The following ETV1 variants were observed in gnomAD, a reference collection of about 807,000 sequenced individuals.
The protein encoded by ETV1 is ETS translocation variant 1.
ETV1 carries 27 observed loss-of-function variants against 62.3 expected under a neutral mutation model. That is an observed-to-expected ratio of 0.43 (90% CI 0.32 to 0.60). The LOEUF (loss-of-function observed/expected upper bound fraction) is 0.60. Ranked by LOEUF, ETV1 falls within the 20% of genes least tolerant of loss-of-function variation. The pLI, the probability that ETV1 is intolerant of heterozygous loss-of-function variation, is 0.06. For synonymous variants in ETV1, 222 were observed against 199.6 expected (o/e 1.11, Z -0.94); for missense variants, 605 against 605.8 (o/e 1.00, Z 0.01).
In ETV1 at chr7:13,961,965, T is replaced by A. The variant is rs922371645; in HGVS notation, c.235+15462A>T. Among the ~76,000 whole-genome samples the A allele has an allele frequency of 2.6e-5, 4 of 151,552 alleles. No homozygotes were observed. In the South Asian group the frequency reaches 6.3e-4, roughly 24 times the overall value. ...AGATACAGTAGATAAAGCCCACATG[T>A]TGGTAGGTGTAGACATTATTTATGA... On this transcript the variant is annotated intron_variant, in intron 6 of 13. Transcript: ENST00000430479.
intron 9 of ETV1, among the ~76,000 whole-genome samples, chr7:13,917,799 C>T (rs1177953254): frequency 6.6e-6 from 1 of 151,782 alleles, no homozygotes; most frequent in Non-Finnish European, 1.5e-5. Context: ...CCCGTCTCTA[C>T]TGAAAACACA....
intron 6 of ETV1, among the ~76,000 whole-genome samples, chr7:13,945,650 C>G (rs921223124): frequency 6.6e-6 from 1 of 152,156 alleles, no homozygotes; most frequent in Non-Finnish European, 1.5e-5. Context: ...ACAAAAATGA[C>G]TTCTCTTATT....
chr7:13,982,675 G>C (rs1168508182), intron 5 of ETV1, among the ~76,000 whole-genome samples: 1 of 151,936 alleles, frequency 6.6e-6, no homozygotes, highest in African/African-American at 2.4e-5. Flanking sequence ...GAGATTATAT[G>C]GAGTTCTGTA....
chr7:13,938,188 G>A (rs542342422), intron 7 of ETV1, among the ~76,000 whole-genome samples: 110 of 152,186 alleles, frequency 7.2e-4, no homozygotes, highest in African/African-American at 2.3e-3. Flanking sequence ...CAGGTGATCC[G>A]CCCAACTCTG....
chr7:13,984,190 T>A (rs1372834719), intron 5 of ETV1, among the ~76,000 whole-genome samples: 8 of 151,996 alleles, frequency 5.3e-5, no homozygotes, highest in Non-Finnish European at 1.2e-4. Context: ...TGCGAGAAAC[T>A]TGATTAACTG....
At chr7:13,986,072 C>A in intron 5 of ETV1, 2 of 1,395,366 alleles carry the variant, frequency 1.4e-6, no homozygotes, top group Non-Finnish European at 2.0e-6. Context: ...TCATATCTCC[C>A]ATTTATTTTA....
intron 3 of ETV1, 51 bp downstream of exon 3, chr7:13,988,957 C>T (rs1471289851): frequency 6.5e-6 from 10 of 1,527,670 alleles, no homozygotes; most frequent in Non-Finnish European, 9.0e-6. Context: ...CCTCTCCCCA[C>T]CCCCGACGGA....
chr7:13,972,930 T>G (rs962328750), intron 6 of ETV1, among the ~76,000 whole-genome samples: 1 of 152,160 alleles, frequency 6.6e-6, no homozygotes, highest in African/African-American at 2.4e-5. Context: ...TTATTTTTAA[T>G]GCCTATACTT....
intron 9 of ETV1, among the ~76,000 whole-genome samples, chr7:13,921,861 T>C (rs1285989151): frequency 6.6e-6 from 1 of 152,196 alleles, no homozygotes; most frequent in Non-Finnish European, 1.5e-5. Flanking sequence ...TATTAATTTA[T>C]TGCTAACTTT....
At chr7:13,982,727 A>G (rs961537811) in intron 5 of ETV1, among the ~76,000 whole-genome samples, 1 of 152,052 alleles carries the variant, frequency 6.6e-6, no homozygotes, top group African/African-American at 2.4e-5. Context: ...TGTAAACCAC[A>G]TAAAATAATG....
chr7:13,969,834 T>C (rs927441808), intron 6 of ETV1, among the ~76,000 whole-genome samples: 1 of 152,190 alleles, frequency 6.6e-6, no homozygotes, highest in Non-Finnish European at 1.5e-5. Flanking sequence ...AGTACAAGCA[T>C]ATTATTTAGT....
chr7:13,985,136 A>G lies in ETV1; in HGVS notation c.181+1502T>C, dbSNP rs1782422642. Among the ~76,000 whole-genome samples, 5 of 152,188 alleles carry G rather than the reference A, an allele frequency of 3.3e-5. No homozygotes were observed. In the South Asian group the frequency reaches 1.0e-3, roughly 32 times the overall value. ...TATTTTAAGTTATTTTGGAGAAGCAAATAAATTCTCTCATAAAGGTAATGT... is the reference window on the plus strand; with the variant it reads ...TATTTTAAGTTATTTTGGAGAAGCAGATAAATTCTCTCATAAAGGTAATGT... On this transcript the variant is annotated intron_variant, in intron 5 of 13. Coordinates refer to ENST00000430479, the MANE Select transcript of ETV1 (RefSeq NM_004956.5).
chr7:13,964,072 C>A (rs570485077), intron 6 of ETV1, among the ~76,000 whole-genome samples: 1 of 152,212 alleles, frequency 6.6e-6, no homozygotes, highest in Admixed American at 6.5e-5. Context: ...CCCTACAGAC[C>A]CGTGAGTTGA....
chr7:13,937,751 G>A (rs1474302128), intron 7 of ETV1, among the ~76,000 whole-genome samples: 1 of 152,186 alleles, frequency 6.6e-6, no homozygotes, highest in Non-Finnish European at 1.5e-5. Flanking sequence ...TGTCTTATCT[G>A]AACTCATTAT....
intron 5 of ETV1, 64 bp from the exon 6 acceptor site, chr7:13,977,544 C>A: frequency 9.1e-7 from 1 of 1,095,664 alleles, no homozygotes; most frequent in South Asian, 1.4e-5. Context: ...TAAGGAATGT[C>A]AAGTAAAATC....
chr7:13,909,570 A>C, intron 11 of ETV1, 62 bp downstream of exon 11: 1 of 1,181,736 alleles, frequency 8.5e-7, no homozygotes. Context: ...TTTTCAGAAG[A>C]AGCGAAGGTA....
intron 6 of ETV1, among the ~76,000 whole-genome samples, chr7:13,972,448 G>A (rs185187083): frequency 3.3e-5 from 5 of 152,168 alleles, no homozygotes; most frequent in African/African-American, 1.2e-4. Context: ...AAATAAGATT[G>A]AAAATATAAC....
chr7:13,939,419 T>C lies in ETV1; in HGVS notation c.236-173A>G, dbSNP rs79007353. On this transcript the variant is annotated intron_variant, in intron 6 of 13. Transcript: ENST00000430479. Reference sequence around the variant, plus strand: ...AGCAGAAGATTTCAGAGAATCTTCATATACGCCTTTTCTGCCTTTATTGTG... The same window carrying C: ...AGCAGAAGATTTCAGAGAATCTTCACATACGCCTTTTCTGCCTTTATTGTG... Among the ~76,000 whole-genome samples, 408 of 152,348 alleles carry C rather than the reference T, an allele frequency of 2.7e-3. 5 individuals carry two copies. In the East Asian group the frequency reaches 0.031, roughly 12 times the overall value.
chr7:13,950,400 A>G (rs1209115957), intron 6 of ETV1, among the ~76,000 whole-genome samples: 1 of 152,046 alleles, frequency 6.6e-6, no homozygotes, highest in Non-Finnish European at 1.5e-5. Context: ...CCAAACTCCT[A>G]CCAGTAACAG....
Sources: allele counts gnomAD v4.1 joint callset (sites outside exome capture counted in the v4.1 genomes callset), GRCh38; gene constraint gnomAD v4.1.1; transcripts MANE v1.5; gene names NCBI Gene and HGNC (gene_info 2026-07-23, HGNC 2026-07-21).